Variants in CNTN6 observed in about 807,000 individuals in gnomAD.
The protein encoded by CNTN6 is contactin 6.
Under a neutral mutation model 122.8 loss-of-function variants are expected in CNTN6, and 137 were observed. That is an observed-to-expected ratio of 1.12 (90% CI 0.97 to 1.29). The LOEUF (loss-of-function observed/expected upper bound fraction) is 1.29, where lower values mean the gene tolerates loss of function less well. Among genes scored for constraint, CNTN6 ranks in the 50% most tolerant of loss-of-function variants. The pLI is 0.00. For synonymous variants in CNTN6, 570 were observed against 426.0 expected, an observed-to-expected ratio of 1.34 and a Z score of -4.16; for missense variants, 1,634 against 1,223.4, an observed-to-expected ratio of 1.34 and a Z score of -5.01.
chr3:1,375,036 C>T (rs1007345508), intron 16 of CNTN6, among the ~76,000 whole-genome samples: 4 of 152,000 alleles, frequency 2.6e-5, no homozygotes, highest in Non-Finnish European at 5.9e-5. Context: ...TGAATCCAAA[C>T]CTCCTGATTT....
chr3:1,184,729 T>G (rs1012193433), intron 2 of CNTN6, among the ~76,000 whole-genome samples: 5 of 152,132 alleles, frequency 3.3e-5, no homozygotes, highest in African/African-American at 1.2e-4. Flanking sequence ...TATTTGATTG[T>G]CCTAGGAAAT....
rs1406290257 is a variant in CNTN6, at chr3:1,383,018, G to A, written c.2243G>A (p.Trp748Ter). Residue 748 changes from tryptophan (W) to a stop codon, truncating the protein, a stop_gained, in exon 18 of 23, where the codon TGG becomes TAG. Coordinates refer to ENST00000446702, the MANE Select transcript of CNTN6 (RefSeq NM_001289080.2). LOFTEE classifies it high-confidence loss of function. ...IMFRPVGSTT[W>*]SKEKVSSVES... is the part of the protein sequence containing the mutation. ...TTCCGGCCAGTGGGCTCGACAACCT[G>A]GTCCAAGGAGAAAGTGTCATCTGTG... The A allele has an allele frequency of 1.2e-6, 2 of 1,613,942 alleles. No individual in the cohort carries two copies. The highest frequency in any genetic ancestry group is 1.3e-5 in the African/African-American group (1 of 74,904).
intron 4 of CNTN6, among the ~76,000 whole-genome samples, chr3:1,274,543 T>A (rs1324845871): frequency 6.6e-6 from 1 of 152,164 alleles, no homozygotes; most frequent in Non-Finnish European, 1.5e-5. Flanking sequence ...AATTTACATA[T>A]CAGATCTGGT....
intron 4 of CNTN6, among the ~76,000 whole-genome samples, chr3:1,232,215 A>C (rs1484154337): frequency 1.3e-5 from 2 of 152,198 alleles, no homozygotes. Flanking sequence ...TTGATCCTAC[A>C]TTATTTAATG....
At chr3:1,358,256 A>G (rs1430092720) in intron 12 of CNTN6, among the ~76,000 whole-genome samples, 1 of 151,960 alleles carries the variant, frequency 6.6e-6, no homozygotes, top group Admixed American at 6.6e-5. Context: ...ATCTCAAACT[A>G]TTAAGTCTTT....
chr3:1,296,958 G>C (rs977862676), intron 6 of CNTN6, among the ~76,000 whole-genome samples: 1 of 151,906 alleles, frequency 6.6e-6, no homozygotes, highest in African/African-American at 2.4e-5. Flanking sequence ...GAAAAATAGA[G>C]CAGAAGTATT....
At chr3:1,276,373 T>A (rs1312759867) in intron 4 of CNTN6, among the ~76,000 whole-genome samples, 2 of 152,192 alleles carry the variant, frequency 1.3e-5, no homozygotes. Flanking sequence ...TCTTTCTAAT[T>A]TTCAATGACA....
chr3:1,391,208 G>C (rs1270788811), intron 20 of CNTN6, among the ~76,000 whole-genome samples: 1 of 103,522 alleles, frequency 9.7e-6, no homozygotes, highest in East Asian at 2.5e-4. Context: ...TATCCACCAT[G>C]ATCAAGTGGG....
At chr3:1,120,134 G>GT (rs139713971) in intron 1 of CNTN6, among the ~76,000 whole-genome samples, 29,268 of 151,396 alleles carry the variant, frequency 0.19, 3,373 homozygotes, top group East Asian at 0.4. Context: ...TGGATGTTTG[G>GT]TTTTTTTCAA....
chr3:1,324,077 A>G (rs988175594), intron 8 of CNTN6, among the ~76,000 whole-genome samples: 9 of 149,614 alleles, frequency 6.0e-5, no homozygotes, highest in Non-Finnish European at 1.3e-4. Flanking sequence ...CAGAAACATG[A>G]TTCAATTTCA....
chr3:1,159,406 G>A (rs1448099478), intron 2 of CNTN6, among the ~76,000 whole-genome samples: 1 of 152,022 alleles, frequency 6.6e-6, no homozygotes, highest in Non-Finnish European at 1.5e-5. Context: ...GGGATGACTG[G>A]AGATTTCATC....
intron 11 of CNTN6, among the ~76,000 whole-genome samples, chr3:1,331,669 G>A (rs1385242203): frequency 1.3e-5 from 2 of 151,814 alleles, no homozygotes; most frequent in Non-Finnish European, 2.9e-5. Flanking sequence ...TTGTACTGAG[G>A]GTCTGGACAA....
At chr3:1,160,000 T>C (rs1438157640) in intron 2 of CNTN6, among the ~76,000 whole-genome samples, 1 of 151,992 alleles carries the variant, frequency 6.6e-6, no homozygotes, top group Admixed American at 6.6e-5. Context: ...TTTGTATTTT[T>C]AGTAGGGACA....
chr3:1,266,005 T>C (rs1473644435), intron 4 of CNTN6, among the ~76,000 whole-genome samples: 1 of 151,810 alleles, frequency 6.6e-6, no homozygotes, highest in South Asian at 2.1e-4. Flanking sequence ...TACATAGTTA[T>C]ATAAAGTTAA....
chr3:1,330,695 A>G (rs71309816), intron 11 of CNTN6, among the ~76,000 whole-genome samples: 1,633 of 151,978 alleles, frequency 0.011, 15 homozygotes, highest in Non-Finnish European at 0.016. Context: ...CTTTCGTTCA[A>G]TGAGCTCTTC....
intron 20 of CNTN6, 21 bp from the exon 21 acceptor site, chr3:1,401,412 T>C (rs751300296): frequency 6.3e-6 from 10 of 1,579,506 alleles, no homozygotes; most frequent in Middle Eastern, 1.7e-4. Flanking sequence ...TTCATTTGGA[T>C]CTTTGATTAT....
intron 19 of CNTN6, among the ~76,000 whole-genome samples, chr3:1,384,764 T>TACAC (rs1559989897): frequency 8.4e-6 from 1 of 119,478 alleles, no homozygotes; most frequent in African/African-American, 3.5e-5. Flanking sequence ...TATATACATA[T>TACAC]ATATACACAT....
At chr3:1,100,579 C>G (rs2090834481) in intron 1 of CNTN6, among the ~76,000 whole-genome samples, 1 of 152,020 alleles carries the variant, frequency 6.6e-6, no homozygotes, top group African/African-American at 2.4e-5. Context: ...ATATTTCAAT[C>G]TTGCGTCTTT....
chr3:1,220,080 A>T (rs371127945), intron 2 of CNTN6, among the ~76,000 whole-genome samples: 1 of 151,678 alleles, frequency 6.6e-6, no homozygotes, highest in Admixed American at 6.6e-5. Flanking sequence ...TGGGGGCCAG[A>T]CACAGTGGCT....
Sources: gnomAD v4.1 joint callset for allele counts (sites outside exome capture counted in the v4.1 genomes callset) on GRCh38, gnomAD v4.1.1 for gene constraint, MANE v1.5 for transcripts, NCBI Gene and HGNC (gene_info 2026-07-23, HGNC 2026-07-21) for gene names.